The following SLIT3 variants were observed in gnomAD, a reference collection of about 807,000 sequenced individuals.
SLIT3 encodes the protein slit homolog 3 protein.
Under a neutral mutation model 184.0 loss-of-function variants are expected in SLIT3, and 68 were observed. The observed-to-expected ratio is 0.37, with a 90% CI of 0.30 to 0.45. SLIT3 has a LOEUF of 0.45. Among genes scored for constraint, SLIT3 ranks in the 20% least tolerant of loss-of-function variants. SLIT3 has a pLI of 1.00. For missense variants in SLIT3, 1,707 were observed against 2,026.0 expected (o/e 0.84, Z 3.02); for synonymous variants, 831 against 828.6 (o/e 1.00, Z -0.05).
intron 8 of SLIT3, 118 bp from the exon 9 acceptor site, chr5:168,806,705 T>C: frequency 1.7e-6 from 2 of 1,168,438 alleles, no homozygotes; most frequent in Non-Finnish European, 2.4e-6. Context: ...TGAGAAATGA[T>C]CACCAGCTGA....
chr5:168,999,351 A>C (rs1341401672), intron 4 of SLIT3, among the ~76,000 whole-genome samples: 1 of 151,446 alleles, frequency 6.6e-6, no homozygotes, highest in African/African-American at 2.4e-5. Context: ...TGCTGGCTTT[A>C]CCTCTCTTAA....
chr5:169,183,029 T>A (rs969420334), intron 4 of SLIT3, among the ~76,000 whole-genome samples: 6 of 152,184 alleles, frequency 3.9e-5, no homozygotes, highest in African/African-American at 1.4e-4. Context: ...CAAGGAAGTC[T>A]GAGAAAGAGC....
At chr5:168,944,183 T>C (rs1762408162) in intron 4 of SLIT3, among the ~76,000 whole-genome samples, 1 of 152,128 alleles carries the variant, frequency 6.6e-6, no homozygotes, top group South Asian at 2.1e-4. Flanking sequence ...CAAGCAGAGC[T>C]GGTTTGAGTC....
intron 23 of SLIT3, among the ~76,000 whole-genome samples, chr5:168,718,725 C>T (rs1353214254): frequency 6.8e-6 from 1 of 146,540 alleles, no homozygotes; most frequent in East Asian, 2.0e-4. Flanking sequence ...CACACACACA[C>T]ACACATTCTC....
chr5:168,726,376 G>GAGAGGGAGGCAGGGAGGC lies in SLIT3; in HGVS notation c.2271-1910_2271-1893dup, dbSNP rs1561896041. Among the ~76,000 whole-genome samples, 178 of 41,356 alleles carry GAGAGGGAGGCAGGGAGGC rather than the reference G, an allele frequency of 4.3e-3. 1 individual carries two copies. The highest frequency in any genetic ancestry group is 5.3e-3 in the Non-Finnish European group (91 of 17,010). The allele number at this position is 41,356 out of a possible 152,430, so 27.1% of individuals were successfully genotyped here. The stretch of plus-strand genomic sequence containing the variant: ...AGGGAGGGAGAGGGAGGCAGGGAGG[G>GAGAGGGAGGCAGGGAGGC]AGAGGGAGGCAGGGAGGCAGAGGGA... On this transcript the variant is annotated intron_variant, in intron 20 of 35. Transcript: ENST00000519560.
At chr5:169,234,744 C>T (rs1177671433) in intron 3 of SLIT3, among the ~76,000 whole-genome samples, 3 of 152,122 alleles carry the variant, frequency 2.0e-5, no homozygotes, top group Non-Finnish European at 4.4e-5. Flanking sequence ...AGAAAGTGTC[C>T]ATGGGCACCA....
chr5:168,757,188 T>G (rs1754976647), intron 16 of SLIT3, among the ~76,000 whole-genome samples: 1 of 152,084 alleles, frequency 6.6e-6, no homozygotes, highest in Admixed American at 6.5e-5. Flanking sequence ...AACCACAAAA[T>G]GTAAAACCAG....
chr5:169,035,213 G>C (rs1439074869), intron 4 of SLIT3, among the ~76,000 whole-genome samples: 1 of 152,108 alleles, frequency 6.6e-6, no homozygotes, highest in African/African-American at 2.4e-5. Context: ...CCATAGTGGA[G>C]ACAATCACTG....
chr5:169,100,965 G>A lies in SLIT3; in HGVS notation c.413+92514C>T, dbSNP rs1216999275. Among the ~76,000 whole-genome samples the A allele has an allele frequency of 2.0e-5, 3 of 152,180 alleles. 1 individual carries two copies. Among genetic ancestry groups the A allele is most frequent in the Non-Finnish European group, 4.4e-5 (3 of 68,038 alleles). On this transcript the variant is annotated intron_variant, in intron 4 of 35. Coordinates refer to ENST00000519560, the MANE Select transcript of SLIT3 (RefSeq NM_003062.4). ...GTTTTTTAAATAAGTAGCCCAGCAT[G>A]GGAGTCAGCGTGAAAGTTGACCATT...
intron 3 of SLIT3, among the ~76,000 whole-genome samples, chr5:169,239,838 A>G (rs1426066856): frequency 6.6e-6 from 1 of 152,022 alleles, no homozygotes; most frequent in African/African-American, 2.4e-5. Flanking sequence ...GGATATTTTA[A>G]TCAAGATATG....
intron 4 of SLIT3, among the ~76,000 whole-genome samples, chr5:169,151,236 C>A (rs1762108660): frequency 6.6e-6 from 1 of 152,132 alleles, no homozygotes; most frequent in South Asian, 2.1e-4. Context: ...AGCAGGTGGC[C>A]CTTTCATTAA....
chr5:168,916,385 C>T (rs1022686552), intron 4 of SLIT3, among the ~76,000 whole-genome samples: 1 of 152,254 alleles, frequency 6.6e-6, no homozygotes, highest in South Asian at 2.1e-4. Flanking sequence ...AGGTGCTTCG[C>T]TCTGCAAGAC....
At chr5:169,117,172 GTGCC>G (rs1432467685) in intron 4 of SLIT3, among the ~76,000 whole-genome samples, 1 of 152,158 alleles carries the variant, frequency 6.6e-6, no homozygotes, top group Non-Finnish European at 1.5e-5. Flanking sequence ...AAAGGTGTGT[GTGCC>G]TGCACTGTCC....
intron 12 of SLIT3, among the ~76,000 whole-genome samples, chr5:168,777,220 T>C (rs1755792472): frequency 1.3e-5 from 2 of 152,098 alleles, no homozygotes; most frequent in Non-Finnish European, 2.9e-5. Flanking sequence ...CTGCCCCCTT[T>C]AGATAGGACA....
intron 4 of SLIT3, among the ~76,000 whole-genome samples, chr5:169,158,961 G>A (rs767884171): frequency 1.3e-5 from 2 of 152,218 alleles, no homozygotes; most frequent in African/African-American, 4.8e-5. Context: ...TACATTAAAT[G>A]TAAATGGTCT....
chr5:168,817,258 G>A, intron 8 of SLIT3, 42 bp downstream of exon 8: 1 of 1,590,728 alleles, frequency 6.3e-7, no homozygotes, highest in Admixed American at 1.7e-5. Context: ...ATGGGTGGGT[G>A]GGTCATAGCA....
intron 4 of SLIT3, among the ~76,000 whole-genome samples, chr5:168,901,451 C>T (rs1760871765): frequency 6.6e-6 from 1 of 152,170 alleles, no homozygotes; most frequent in Non-Finnish European, 1.5e-5. Context: ...AATCTCCATC[C>T]TCAACCCAAC....
chr5:169,244,607 C>G (rs1309317160), intron 3 of SLIT3, 98 bp downstream of exon 3: 1 of 1,025,796 alleles, frequency 9.7e-7, no homozygotes, highest in African/African-American at 1.6e-5. Context: ...CCTTTTTTAA[C>G]AAGGTTATAA....
Position 168,972,924 on chromosome 5 carries a change from A to G in SLIT3, c.414-89588T>C, listed in dbSNP as rs367573209. ...AGGCCGTGCCACAGATATCCCCCAC[A>G]TGGATTCTTTTCCTCTTTAGGTGTA... On this transcript the variant is annotated intron_variant, in intron 4 of 35. Transcript: ENST00000519560. Among the ~76,000 whole-genome samples the G allele has an allele frequency of 6.6e-5, 10 of 152,232 alleles. No homozygotes were observed. The East Asian group carries it at 9.7e-4, about 15-fold the overall frequency.
Sources: allele counts gnomAD v4.1 joint callset (sites outside exome capture counted in the v4.1 genomes callset), GRCh38; gene constraint gnomAD v4.1.1; transcripts MANE v1.5; gene names NCBI Gene and HGNC (gene_info 2026-07-23, HGNC 2026-07-21).